FOXJ3: variants seen among roughly 807,000 people sequenced by gnomAD.
FOXJ3 encodes the protein forkhead box J3, also known as forkhead box protein J3.
A neutral mutation model predicts 76.1 loss-of-function variants in FOXJ3; 22 were observed. The ratio of observed to expected loss-of-function variants is 0.29; its 90% CI spans 0.21 to 0.41. The LOEUF is 0.41. Among genes scored for constraint, FOXJ3 ranks in the 10% least tolerant of loss-of-function variants. The probability of loss-of-function intolerance (pLI) is 1.00; values close to 1 mark genes in which losing one functional copy is unlikely to be tolerated. For missense variants in FOXJ3, 613 were observed against 762.1 expected (o/e 0.80, Z 2.30); for synonymous variants, 269 against 261.2 (o/e 1.03, Z -0.29).
intron 1 of FOXJ3, chr1:42,334,114 C>CA (rs1298629203): frequency 2.1e-6 from 2 of 974,460 alleles, no homozygotes; most frequent in East Asian, 2.3e-4. Context: ...AAAAGTAAAA[C>CA]AGAGAAATGA....
chr1:42,203,946 A>G (rs1449892802), intron 6 of FOXJ3, among the ~76,000 whole-genome samples: 1 of 151,472 alleles, frequency 6.6e-6, no homozygotes, highest in Non-Finnish European at 1.5e-5. Context: ...CAGTGAGCTA[A>G]GATCACCGCA....
chr1:42,185,303 G>A (rs1236602315), intron 11 of FOXJ3, among the ~76,000 whole-genome samples: 8 of 136,588 alleles, frequency 5.9e-5, no homozygotes, highest in Non-Finnish European at 9.1e-5. Flanking sequence ...TGTCGCCCAG[G>A]CTGGAGTGTG....
intron 2 of FOXJ3, among the ~76,000 whole-genome samples, chr1:42,305,130 G>A (rs1166268288): frequency 6.6e-6 from 1 of 152,132 alleles, no homozygotes. Flanking sequence ...GCAAACAGGT[G>A]TATGAAAAAG....
chr1:42,268,839 C>T (rs1249796211), intron 3 of FOXJ3, among the ~76,000 whole-genome samples: 1 of 151,952 alleles, frequency 6.6e-6, no homozygotes, highest in Non-Finnish European at 1.5e-5. Flanking sequence ...GGAGGTGGAG[C>T]CTTTAAGGTG....
At chr1:42,313,190 A>G (rs1241778600) in intron 1 of FOXJ3, among the ~76,000 whole-genome samples, 1 of 152,152 alleles carries the variant, frequency 6.6e-6, no homozygotes, top group Non-Finnish European at 1.5e-5. Context: ...CAAAAAATTT[A>G]GCCGGGCATG....
At chr1:42,263,665 G>A (rs918988301) in intron 4 of FOXJ3, among the ~76,000 whole-genome samples, 1 of 151,990 alleles carries the variant, frequency 6.6e-6, no homozygotes, top group Non-Finnish European at 1.5e-5. Context: ...GCTATAAAAT[G>A]TTCATTACTT....
chr1:42,314,537 G>A (rs1024393692), intron 1 of FOXJ3, among the ~76,000 whole-genome samples: 2 of 152,126 alleles, frequency 1.3e-5, no homozygotes, highest in African/African-American at 2.4e-5. Flanking sequence ...CAGGCGTGAG[G>A]CACCACGCCC....
chr1:42,260,847 C>G (rs192213024), intron 4 of FOXJ3, among the ~76,000 whole-genome samples: 4 of 152,248 alleles, frequency 2.6e-5, no homozygotes, highest in Admixed American at 2.6e-4. Context: ...CCCCTAAAAA[C>G]TCTTCTATGA....
chr1:42,212,471 A>G (rs1646983455), intron 5 of FOXJ3, among the ~76,000 whole-genome samples: 1 of 152,158 alleles, frequency 6.6e-6, no homozygotes, highest in African/African-American at 2.4e-5. Context: ...TAGACCAGGT[A>G]GAAAAAAATA....
chr1:42,260,354 C>T (rs1650939285), intron 4 of FOXJ3, among the ~76,000 whole-genome samples: 1 of 152,044 alleles, frequency 6.6e-6, no homozygotes, highest in African/African-American at 2.4e-5. Flanking sequence ...AAAGAAAGAT[C>T]AGTCAACTAT....
chr1:42,195,130 A>T, intron 7 of FOXJ3, 66 bp from the exon 8 acceptor site: 7 of 1,166,064 alleles, frequency 6.0e-6, no homozygotes, highest in Non-Finnish European at 7.3e-6. Flanking sequence ...TGTTATATAA[A>T]ATATATAACT....
intron 5 of FOXJ3, among the ~76,000 whole-genome samples, chr1:42,209,892 A>C (rs534591762): frequency 1.7e-4 from 26 of 152,288 alleles, no homozygotes; most frequent in African/African-American, 5.1e-4. Flanking sequence ...GCAAGTGAGA[A>C]GTGTGCTACA....
chr1:42,314,551 C>T (rs981315907), intron 1 of FOXJ3, among the ~76,000 whole-genome samples: 1 of 152,118 alleles, frequency 6.6e-6, no homozygotes, highest in African/African-American at 2.4e-5. Context: ...CACGCCCAGC[C>T]CTCAGTCTCT....
chr1:42,253,213 AT>A (rs1650253548), intron 4 of FOXJ3, among the ~76,000 whole-genome samples: 1 of 149,586 alleles, frequency 6.7e-6, no homozygotes, highest in African/African-American at 2.4e-5. Context: ...CCCATTCACA[AT>A]TGCTTCAAAG....
chr1:42,307,770 G>A (rs191512572), intron 2 of FOXJ3, among the ~76,000 whole-genome samples: 3 of 151,790 alleles, frequency 2.0e-5, no homozygotes, highest in Admixed American at 2.0e-4. Flanking sequence ...AAATTTAGAG[G>A]GTCTTTTTCT....
rs533030735 is a variant in FOXJ3, at chr1:42,306,172, A to T, written c.44+4878T>A. On this transcript the variant is annotated intron_variant, in intron 2 of 12. Coordinates refer to ENST00000361346, the MANE Select transcript of FOXJ3 (RefSeq NM_014947.5). ...TCTTACTGCATCTGTACTTGGAAAT[A>T]AAATACAGGTACATCTGAGGATTCA... Among the ~76,000 whole-genome samples, 17 of 152,348 alleles carry T rather than the reference A, an allele frequency of 1.1e-4. No individual in the cohort carries two copies. In the South Asian group the frequency reaches 3.5e-3, roughly 32 times the overall value.
intron 5 of FOXJ3, among the ~76,000 whole-genome samples, chr1:42,210,379 G>C (rs1646944598): frequency 6.6e-6 from 1 of 152,146 alleles, no homozygotes; most frequent in Non-Finnish European, 1.5e-5. Context: ...CCTATGGCCT[G>C]AGACACCAGA....
chr1:42,229,548 A>C (rs1647891807), intron 4 of FOXJ3, among the ~76,000 whole-genome samples: 1 of 152,140 alleles, frequency 6.6e-6, no homozygotes, highest in African/African-American at 2.4e-5. Context: ...TAGGTACCTG[A>C]GCTTAATGTT....
chr1:42,294,329 G>A (rs542487400), intron 2 of FOXJ3, among the ~76,000 whole-genome samples: 9 of 152,256 alleles, frequency 5.9e-5, no homozygotes, highest in South Asian at 2.1e-4. Context: ...TACTTTGTCC[G>A]TACCAGTAAT....
Sources: gnomAD v4.1 joint callset for allele counts (sites outside exome capture counted in the v4.1 genomes callset) on GRCh38, gnomAD v4.1.1 for gene constraint, MANE v1.5 for transcripts, NCBI Gene and HGNC (gene_info 2026-07-23, HGNC 2026-07-21) for gene names.